The following VWA5B1 variants were observed in gnomAD, a reference collection of about 807,000 sequenced individuals.
VWA5B1 encodes the protein von Willebrand factor A domain-containing protein 5B1.
A neutral mutation model predicts 118.2 loss-of-function variants in VWA5B1; 115 were observed. That is an observed-to-expected ratio of 0.97 (90% confidence interval 0.84 to 1.14). The LOEUF is 1.14. Ranked by LOEUF, VWA5B1 falls within the 50% of genes most tolerant of loss-of-function variation. The pLI, the probability that VWA5B1 is intolerant of heterozygous loss-of-function variation, is 0.00. For synonymous variants in VWA5B1, 682 were observed against 658.4 expected, an observed-to-expected ratio of 1.04 and a Z score of -0.55; for missense variants, 1,596 against 1,603.8, an observed-to-expected ratio of 1.00 and a Z score of 0.08.
chr1:20,313,604 G>A (rs886238656), intron 3 of VWA5B1, among the ~76,000 whole-genome samples: 2 of 152,222 alleles, frequency 1.3e-5, no homozygotes, highest in Non-Finnish European at 2.9e-5. Flanking sequence ...GCATGTTAGT[G>A]GAAGAGCCAG....
Position 20,354,975 on chromosome 1 carries a change from A to G in VWA5B1, c.*712A>G, listed in dbSNP as rs2090204044. On this transcript the variant is annotated 3_prime_UTR_variant, in exon 22 of 22. Coordinates refer to ENST00000289815, the MANE Select transcript of VWA5B1 (RefSeq NM_001039500.3). ...TCCCTCACTAAGAAGAGGTGGTGGCAGGACCAGGGGAGACACCTTGTGAGT... is the reference window on the plus strand; with the variant it reads ...TCCCTCACTAAGAAGAGGTGGTGGCGGGACCAGGGGAGACACCTTGTGAGT... 1 of 152,260 alleles carries G rather than the reference A, an allele frequency of 6.6e-6. No homozygotes were observed. The highest frequency in any genetic ancestry group is 2.1e-4 in the South Asian group (1 of 4,834). 9.4% of individuals were successfully genotyped at this position (152,260 alleles called of 1,614,324 possible).
In VWA5B1 at chr1:20,323,595, C is replaced by T. The variant is rs372769784; in HGVS notation, c.1143+63C>T. On this transcript the variant is annotated intron_variant, in intron 8 of 21. Coordinates refer to ENST00000289815, the MANE Select transcript of VWA5B1 (RefSeq NM_001039500.3). ...TCCAGGGGAAATCAGCTGTGTGCCC[C>T]CAATCCAGCTTCCTCAGCACTTTCT... 5.9e-4 allele frequency: 762 copies of T among 1,297,616 alleles called. 2 individuals carry two copies. In the African/African-American group the frequency reaches 9.8e-3, roughly 17 times the overall value. 80.4% of individuals were successfully genotyped at this position (1,297,616 alleles called of 1,614,324 possible).
intron 1 of VWA5B1, among the ~76,000 whole-genome samples, chr1:20,291,442 T>C (rs12405144): frequency 0.045 from 6,589 of 147,666 alleles, 208 homozygotes; most frequent in Admixed American, 0.078. Context: ...CCTCTTCTCT[T>C]TCTCGTTTGC....
intron 7 of VWA5B1, chr1:20,322,989 C>A (rs1207373276): frequency 1.2e-5 from 2 of 165,646 alleles, no homozygotes; most frequent in Admixed American, 1.3e-4. Context: ...ATTACTCAAC[C>A]AACGGGCTTC....
At position 20,318,586 on chromosome 1, in the gene VWA5B1, T is replaced by G. The variant is rs1557842910; in HGVS notation, c.710-4T>G. On this transcript the variant is annotated splice_polypyrimidine_tract_variant and splice_region_variant and intron_variant, in intron 5 of 21. Coordinates refer to ENST00000289815, the MANE Select transcript of VWA5B1 (RefSeq NM_001039500.3). ...TATCCCCCTTGCCTTTCTATGCCAC[T>G]CAGGGGTGGAGAGTCCCACTCATGA... 3 of 1,551,356 alleles carry G rather than the reference T, an allele frequency of 1.9e-6. No homozygotes were observed. The highest frequency in any genetic ancestry group is 8.7e-7 in the Non-Finnish European group (1 of 1,146,942).
At chr1:20,323,321 T>C (rs4655194) in intron 7 of VWA5B1, 35 bp from the exon 8 acceptor site, 675,600 of 1,408,782 alleles carry the variant, frequency 0.48, 168,319 homozygotes, top group East Asian at 0.94. Flanking sequence ...CTCTTGACCC[T>C]GATTGCCCAA....
Position 20,329,060 on chromosome 1 carries a change from A to T in VWA5B1, c.1254+1060A>T, listed in dbSNP as rs1236162365. Among the ~76,000 whole-genome samples the T allele has an allele frequency of 3.3e-5, 5 of 152,272 alleles. No homozygotes were observed. The South Asian group carries it at 1.0e-3, about 32-fold the overall frequency. On this transcript the variant is annotated intron_variant, in intron 9 of 21. Coordinates refer to ENST00000289815, the MANE Select transcript of VWA5B1 (RefSeq NM_001039500.3). ...TGTAATGTAACTGTAATGGCTTCCTAGTATTTCACTACACAGATAGATTGG... is the reference window on the plus strand; with the variant it reads ...TGTAATGTAACTGTAATGGCTTCCTTGTATTTCACTACACAGATAGATTGG...
At chr1:20,349,070 C>CCAGA (rs1420521828) in intron 18 of VWA5B1, 3 of 307,896 alleles carry the variant, frequency 9.7e-6, no homozygotes, top group Admixed American at 9.5e-5. Flanking sequence ...GCCCAGCCAC[C>CCAGA]CAGACCATAA....
intron 5 of VWA5B1, among the ~76,000 whole-genome samples, chr1:20,318,270 A>T (rs868437368): frequency 1.3e-5 from 2 of 151,486 alleles, no homozygotes; most frequent in South Asian, 4.2e-4. Flanking sequence ...TCAAAAAAGC[A>T]CCCTCCGACG....
intron 8 of VWA5B1, among the ~76,000 whole-genome samples, 175 bp downstream of exon 8, chr1:20,323,707 G>A (rs1474235308): frequency 6.6e-6 from 1 of 152,204 alleles, no homozygotes; most frequent in African/African-American, 2.4e-5. Flanking sequence ...AGTGGTGTGA[G>A]CAGAAGCTGA....
At chr1:20,342,960 G>T in intron 15 of VWA5B1, 119 bp from the exon 16 acceptor site, 1 of 1,437,894 alleles carries the variant, frequency 7.0e-7, no homozygotes, top group South Asian at 1.5e-5. Flanking sequence ...TCCCTGGGGA[G>T]ATGGAGTGGG....
chr1:20,310,698 GC>G lies in VWA5B1; in HGVS notation c.99del (p.Ser34ProfsTer26). The G allele has an allele frequency of 6.4e-7, 1 of 1,550,844 alleles. No individual in the cohort carries two copies. Among genetic ancestry groups the G allele is most frequent in the Non-Finnish European group, 8.7e-7 (1 of 1,146,722 alleles). On this transcript the variant is annotated frameshift_variant, in exon 2 of 22. Coordinates refer to ENST00000289815, the MANE Select transcript of VWA5B1 (RefSeq NM_001039500.3). LOFTEE classifies it high-confidence loss of function. ...CVSGYALGLT[A>X]SLTYGNLEAQ... ...CAGCGGTTATGCCCTGGGCCTAACT[GC>G]CTCCCTCACCTATGGCAACCTGGAA...
chr1:20,324,146 TGCCTAATAGGTGCCAA>T (rs1256585342), intron 8 of VWA5B1, among the ~76,000 whole-genome samples: 1 of 152,214 alleles, frequency 6.6e-6, no homozygotes, highest in African/African-American at 2.4e-5. Context: ...TTTTTTCAAA[TGCCTAATAGGTGCCAA>T]GCCTTGCCCT....
chr1:20,305,604 G>A (rs2088627248), intron 1 of VWA5B1, among the ~76,000 whole-genome samples: 1 of 152,144 alleles, frequency 6.6e-6, no homozygotes, highest in Admixed American at 6.5e-5. Context: ...AGAGGCACAA[G>A]ATCTGGGGGA....
At chr1:20,305,177 C>G (rs1398305511) in intron 1 of VWA5B1, among the ~76,000 whole-genome samples, 1 of 151,980 alleles carries the variant, frequency 6.6e-6, no homozygotes, top group East Asian at 1.9e-4. Flanking sequence ...AGAAAGGAAG[C>G]TGGAAAGTGT....
Position 20,353,744 on chromosome 1 carries a change from C to T in VWA5B1, c.3142-13C>T, listed in dbSNP as rs2090174152. ...ACATTTGAGGCCCACTGAAGGGCTT[C>T]CCCCACACACAGGTGTCTCTGCAGC... On this transcript the variant is annotated splice_polypyrimidine_tract_variant and intron_variant, in intron 21 of 21. Coordinates refer to ENST00000289815, the MANE Select transcript of VWA5B1 (RefSeq NM_001039500.3). The T allele has an allele frequency of 1.4e-6, 2 of 1,451,370 alleles. No homozygotes were observed. Among genetic ancestry groups the T allele is most frequent in the East Asian group, 2.5e-5 (1 of 39,952 alleles). The allele number at this position is 1,451,370 out of a possible 1,614,324, so 89.9% of individuals were successfully genotyped here.
intron 17 of VWA5B1, among the ~76,000 whole-genome samples, 189 bp from the exon 18 acceptor site, chr1:20,348,056 G>T (rs1429120609): frequency 6.6e-6 from 1 of 152,216 alleles, no homozygotes; most frequent in Non-Finnish European, 1.5e-5. Flanking sequence ...CAACTGGAAA[G>T]AGATGGGGCT....
chr1:20,333,014 T>G, intron 12 of VWA5B1, 63 bp downstream of exon 12: 1 of 1,517,162 alleles, frequency 6.6e-7, no homozygotes, highest in Non-Finnish European at 8.9e-7. Context: ...CAAATCAGCC[T>G]TAGCTGGAAA....
rs1557838606 is a variant in VWA5B1 at position 20,314,451 on chromosome 1, T to C, written c.422T>C (p.Val141Ala). 2 of 1,551,796 alleles carry C rather than the reference T, an allele frequency of 1.3e-6. No individual in the cohort carries two copies. Among genetic ancestry groups the C allele is most frequent in the East Asian group, 4.9e-5 (2 of 40,914 alleles). ...GGGACCATTGCCCCCATGGAGAATG[T>C]CACCATCTTCATCAGCACCTCCTCG... ...NLGTIAPMEN[V>A]TIFISTSSEL... The change falls in exon 4 of 22, where the codon GTC (valine) becomes GCC (alanine). Residue 141 changes from valine to alanine, a missense_variant. Physicochemically the swap from Val to Ala is moderately conservative, Grantham distance 64. Transcript: ENST00000289815.
Sources: gnomAD v4.1 joint callset for allele counts (sites outside exome capture counted in the v4.1 genomes callset) on GRCh38, gnomAD v4.1.1 for gene constraint, MANE v1.5 for transcripts, NCBI Gene and HGNC (gene_info 2026-07-23, HGNC 2026-07-21) for gene names.